Variants in ANKRD45 observed in about 807,000 individuals in gnomAD.
ANKRD45 encodes ankyrin repeat domain 45, also known as ankyrin repeat domain-containing protein 45.
ANKRD45 carries 21 observed loss-of-function variants against 28.1 expected under a neutral mutation model. The ratio of observed to expected loss-of-function variants is 0.75; its 90% CI spans 0.53 to 1.08. ANKRD45 has a LOEUF of 1.08. Among genes scored for constraint, ANKRD45 ranks in the 50% least tolerant of loss-of-function variants. The pLI is 0.00. For missense variants in ANKRD45, 261 were observed against 308.7 expected (o/e 0.85, Z 1.16); for synonymous variants, 86 against 103.9 (o/e 0.83, Z 1.05).
the ANKRD45 span, among the ~76,000 whole-genome samples, chr1:173,690,065 C>T: frequency 3.5e-5 from 3 of 86,578 alleles, no homozygotes; most frequent in East Asian, 6.3e-4. Flanking sequence ...GCCCCCCGCC[C>T]CCCCCCCCCC....
At position 173,627,116 on chromosome 1, in the gene ANKRD45, TAA is replaced by T. The variant is rs778383602; in HGVS notation, c.538_539del (p.Leu180SerfsTer4). 1.2e-6 allele frequency: 2 copies of T among 1,613,186 alleles called. No homozygotes were observed. Among genetic ancestry groups the T allele is most frequent in the East Asian group, 4.5e-5 (2 of 44,876 alleles). On this transcript the variant is annotated frameshift_variant, in exon 4 of 6. Coordinates refer to ENST00000333279, the MANE Select transcript of ANKRD45 (RefSeq NM_198493.3). LOFTEE classifies it high-confidence loss of function. ...ATCCCTTTTCTGTGTCAGTAACAGC[TAA>T]AGAGACTTTTGCAATATATTTTTTC... ...TLKKYIAKVS[L>X]AVTDTEKGSG...
the ANKRD45 span, among the ~76,000 whole-genome samples, chr1:173,694,814 A>G: frequency 6.6e-6 from 1 of 152,058 alleles, no homozygotes; most frequent in Non-Finnish European, 1.5e-5. Context: ...AACCTGCAGT[A>G]TTTGGTTTTC....
the ANKRD45 span, among the ~76,000 whole-genome samples, chr1:173,712,487 C>T: frequency 6.6e-6 from 1 of 152,196 alleles, no homozygotes; most frequent in Admixed American, 6.5e-5. Flanking sequence ...TGATGAGTTA[C>T]TATAACATGC....
chr1:173,623,747 G>A (rs532356557), intron 5 of ANKRD45, among the ~76,000 whole-genome samples: 43 of 152,102 alleles, frequency 2.8e-4, no homozygotes, highest in Non-Finnish European at 4.7e-4. Flanking sequence ...AAGAAAATGT[G>A]GAACATATAT....
intron 1 of ANKRD45, among the ~76,000 whole-genome samples, chr1:173,666,059 C>T (rs551855764): frequency 1.7e-4 from 26 of 152,212 alleles, no homozygotes; most frequent in African/African-American, 6.0e-4. Flanking sequence ...CGTATTAATT[C>T]ATCTTAAACA....
At chr1:173,680,876 A>C in the ANKRD45 span, among the ~76,000 whole-genome samples, 1 of 149,272 alleles carries the variant, frequency 6.7e-6, no homozygotes. Flanking sequence ...AGAAAACCAA[A>C]CACCTCATGT....
the ANKRD45 span, among the ~76,000 whole-genome samples, chr1:173,678,450 C>T: frequency 1.3e-5 from 2 of 152,086 alleles, no homozygotes; most frequent in South Asian, 4.2e-4. Context: ...TAAACAGAAC[C>T]AATGACAAAA....
At position 173,659,104 on chromosome 1, in the gene ANKRD45, T is replaced by C. The variant is rs1302235128; in HGVS notation, c.315A>G (p.Glu105=). The change falls in exon 2 of 6, where the codon GAA becomes GAG. Residue 105 remains glutamate (E), a synonymous_variant. Transcript: ENST00000333279. ...ALAKYGVNLN[E]KTTRGYTLLH... ...AAGACAAAATACCTCTGGTGGTTTT[T>C]TCATTCAGATTCACACCATATTTTG... The C allele has an allele frequency of 3.1e-6, 5 of 1,613,440 alleles. No individual in the cohort carries two copies. Among genetic ancestry groups the C allele is most frequent in the East Asian group, 2.2e-5 (1 of 44,882 alleles).
chr1:173,624,399 A>C (rs1226589823), intron 5 of ANKRD45, among the ~76,000 whole-genome samples: 1 of 152,020 alleles, frequency 6.6e-6, no homozygotes, highest in East Asian at 1.9e-4. Flanking sequence ...AAGCAGGAGT[A>C]TCACTTGAGC....
intron 2 of ANKRD45, among the ~76,000 whole-genome samples, chr1:173,648,028 C>T (rs557459325): frequency 4.6e-5 from 7 of 152,208 alleles, no homozygotes; most frequent in South Asian, 2.1e-4. Flanking sequence ...CTGCAACCTC[C>T]GTGTCCCGGG....
chr1:173,611,511 A>G (rs1667147315), intron 5 of ANKRD45, among the ~76,000 whole-genome samples: 1 of 152,012 alleles, frequency 6.6e-6, no homozygotes, highest in South Asian at 2.1e-4. Flanking sequence ...AAACATAAAA[A>G]TCTTAGGTAC....
intron 5 of ANKRD45, among the ~76,000 whole-genome samples, chr1:173,613,657 GC>G (rs1180433336): frequency 7.0e-6 from 1 of 143,200 alleles, no homozygotes; most frequent in Non-Finnish European, 1.5e-5. Context: ...AGGGGGGTCA[GC>G]CCCCGCCTGG....
chr1:173,645,991 G>A (rs1668901552), intron 3 of ANKRD45, among the ~76,000 whole-genome samples: 1 of 152,142 alleles, frequency 6.6e-6, no homozygotes, highest in African/African-American at 2.4e-5. Flanking sequence ...TATCCAGAGG[G>A]TAGGAACAAC....
At chr1:173,661,723 T>G (rs1008503565) in intron 1 of ANKRD45, among the ~76,000 whole-genome samples, 7 of 152,354 alleles carry the variant, frequency 4.6e-5, no homozygotes, top group Admixed American at 3.3e-4. Flanking sequence ...CAGTGTTTAC[T>G]GGATTCCTTC....
At chr1:173,626,589 T>C (rs554725693) in intron 4 of ANKRD45, among the ~76,000 whole-genome samples, 1 of 152,334 alleles carries the variant, frequency 6.6e-6, no homozygotes, top group Admixed American at 6.5e-5. Context: ...CTACCAGTAC[T>C]ATTAATACAG....
intron 5 of ANKRD45, among the ~76,000 whole-genome samples, chr1:173,617,121 C>T (rs1667496252): frequency 6.6e-6 from 1 of 152,102 alleles, no homozygotes; most frequent in Non-Finnish European, 1.5e-5. Flanking sequence ...ATACACAGAC[C>T]TATGTGGAGT....
At chr1:173,615,076 C>T (rs918327896) in intron 5 of ANKRD45, among the ~76,000 whole-genome samples, 4 of 152,114 alleles carry the variant, frequency 2.6e-5, no homozygotes, top group African/African-American at 7.2e-5. Context: ...GCCTCAGCCT[C>T]CCAAAGTGCT....
At chr1:173,698,412 T>C in the ANKRD45 span, among the ~76,000 whole-genome samples, 1 of 152,120 alleles carries the variant, frequency 6.6e-6, no homozygotes, top group Non-Finnish European at 1.5e-5. Flanking sequence ...ATTGACCACA[T>C]AGTTGGAAGT....
chr1:173,618,942 C>A (rs6674589), intron 5 of ANKRD45, among the ~76,000 whole-genome samples: 52,518 of 152,166 alleles, frequency 0.35, 13,125 homozygotes, highest in African/African-American at 0.71. Flanking sequence ...TGGACCTCTG[C>A]GTGGAAACCC....
Sources: gnomAD v4.1 joint callset for allele counts (sites outside exome capture counted in the v4.1 genomes callset) on GRCh38, gnomAD v4.1.1 for gene constraint, MANE v1.5 for transcripts, NCBI Gene and HGNC (gene_info 2026-07-23, HGNC 2026-07-21) for gene names.